ENTPD6: variants seen among roughly 807,000 people sequenced by gnomAD.
ENTPD6 encodes the protein ectonucleoside triphosphate diphosphohydrolase 6, also known as CD39 antigen-like 2.
A neutral mutation model predicts 61.5 loss-of-function variants in ENTPD6; 46 were observed. The ratio of observed to expected loss-of-function variants is 0.75; its 90% CI spans 0.59 to 0.96. The LOEUF (loss-of-function observed/expected upper bound fraction) is 0.96. ENTPD6 is among the 40% of genes least tolerant of loss of function. ENTPD6 has a pLI of 0.00. For synonymous variants in ENTPD6, 252 were observed against 255.5 expected, an observed-to-expected ratio of 0.99 and a Z score of 0.13; for missense variants, 612 against 629.0, an observed-to-expected ratio of 0.97 and a Z score of 0.29.
In ENTPD6 at chr20:25,225,697, G is replaced by A. The variant is rs907416732; in HGVS notation, c.*100G>A. The A allele has an allele frequency of 3.6e-5, 35 of 982,320 alleles. 1 individual carries two copies. Among genetic ancestry groups the A allele is most frequent in the Admixed American group, 2.2e-4 (10 of 44,998 alleles). 60.9% of individuals were successfully genotyped at this position (982,320 alleles called of 1,614,324 possible). ...ATCCTGAGGAGCCACAGCACAGGCC[G>A]TGCTGGCACTTTCTGCACACTGGCT... On this transcript the variant is annotated 3_prime_UTR_variant, in exon 15 of 15. Transcript: ENST00000376652.
At chr20:25,195,984 G>C in intron 1 of ENTPD6, 117 bp downstream of exon 1, 1 of 914,246 alleles carries the variant, frequency 1.1e-6, no homozygotes, top group East Asian at 3.3e-5. Flanking sequence ...CTCGCACCCC[G>C]GGTCCCACCT....
intron 5 of ENTPD6, chr20:25,214,586 TAGAG>T: frequency 5.1e-6 from 2 of 396,012 alleles, no homozygotes; most frequent in Non-Finnish European, 9.4e-6. Flanking sequence ...TGCAATGGAT[TAGAG>T]AGGCCTGAAC....
At chr20:25,205,903 T>C (rs556720108) in intron 1 of ENTPD6, among the ~76,000 whole-genome samples, 4 of 152,260 alleles carry the variant, frequency 2.6e-5, no homozygotes, top group African/African-American at 9.6e-5. Context: ...TCCGTTCTGC[T>C]GTGCCCAAAC....
chr20:25,209,554 T>TA (rs11481940), intron 3 of ENTPD6, among the ~76,000 whole-genome samples: 17,364 of 149,054 alleles, frequency 0.12, 1,207 homozygotes, highest in East Asian at 0.3. Flanking sequence ...CCCTTCTCTT[T>TA]AAAAAAAAAT....
In ENTPD6 at chr20:25,195,809, G is replaced by T. The variant is rs895818384; in HGVS notation, c.-74G>T. On this transcript the variant is annotated 5_prime_UTR_variant, in exon 1 of 15. Transcript: ENST00000376652. ...GGGGGAGCCCAAAAGACCGGCTGCCGCCTGCTCCCCGGAAAAGGGCACTCG... is the reference window on the plus strand; with the variant it reads ...GGGGGAGCCCAAAAGACCGGCTGCCTCCTGCTCCCCGGAAAAGGGCACTCG... 1.5e-5 allele frequency: 18 copies of T among 1,237,586 alleles called. No homozygotes were observed. The highest frequency in any genetic ancestry group is 1.2e-4 in the African/African-American group (8 of 64,464). The allele number at this position is 1,237,586 out of a possible 1,614,324, so 76.7% of individuals were successfully genotyped here.
Position 25,207,294 on chromosome 20 carries a change from G to A in ENTPD6, c.273G>A (p.Leu91=). The change falls in exon 3 of 15, where the codon CTG becomes CTA. Residue 91 remains leucine (L), a synonymous_variant. Coordinates refer to ENST00000376652, the MANE Select transcript of ENTPD6 (RefSeq NM_001247.5). ...ARWGQQAHSP[L]GTAADGHEVF... ...GGGGTCAGCAGGCCCACAGCCCCCT[G>A]GGGACAGCTGCAGACGGGCACGAGG... 2.5e-6 allele frequency: 4 copies of A among 1,609,210 alleles called. No homozygotes were observed. The highest frequency in any genetic ancestry group is 3.4e-6 in the Non-Finnish European group (4 of 1,176,392).
chr20:25,203,536 C>T (rs1002606917), intron 1 of ENTPD6, among the ~76,000 whole-genome samples: 1 of 152,190 alleles, frequency 6.6e-6, no homozygotes, highest in African/African-American at 2.4e-5. Context: ...GACTCAAATC[C>T]CTCTGGTCAG....
chr20:25,209,991 T>A (rs2091845205), intron 4 of ENTPD6, 66 bp downstream of exon 4: 1 of 1,380,744 alleles, frequency 7.2e-7, no homozygotes. Flanking sequence ...TCTTTTCCTT[T>A]GAATGTGGTA....
chr20:25,200,845 C>A (rs2090972972), intron 1 of ENTPD6, among the ~76,000 whole-genome samples: 2 of 151,256 alleles, frequency 1.3e-5, no homozygotes, highest in Non-Finnish European at 2.9e-5. Flanking sequence ...TTTTCCTCCT[C>A]CTTTTTCTAG....
chr20:25,215,648 A>C (rs1397656171), intron 6 of ENTPD6, 28 bp from the exon 7 acceptor site: 2 of 1,613,748 alleles, frequency 1.2e-6, no homozygotes, highest in African/African-American at 1.3e-5. Flanking sequence ...CAAGTGATTA[A>C]AATAATGCCT....
In ENTPD6 at chr20:25,222,885, C is replaced by A; in HGVS notation, c.1093C>A (p.Gln365Lys). The change falls in exon 12 of 15, where the codon CAA (glutamine) becomes AAA (lysine). Residue 365 changes from glutamine to lysine, a missense_variant. Physicochemically the swap from Gln to Lys is moderately conservative, Grantham distance 53. Coordinates refer to ENST00000376652, the MANE Select transcript of ENTPD6 (RefSeq NM_001247.5). ...LCAARVSEVLQNRVHRTEEVK... is the reference protein window; with the variant it reads ...LCAARVSEVLKNRVHRTEEVK... Reference sequence around the variant, plus strand: ...TGCTGCCAGAGTGTCAGAGGTCCTTCAAAACAGAGTGCACAGGACGGAGGA... The same window carrying A: ...TGCTGCCAGAGTGTCAGAGGTCCTTAAAAACAGAGTGCACAGGACGGAGGA... 1 of 1,614,148 alleles carries A rather than the reference C, an allele frequency of 6.2e-7. No homozygotes were observed. The highest frequency in any genetic ancestry group is 8.5e-7 in the Non-Finnish European group (1 of 1,180,030).
chr20:25,195,763 C>T lies in ENTPD6; in HGVS notation c.-120C>T, dbSNP rs73339013. 3,567 of 995,096 alleles carry T rather than the reference C, an allele frequency of 3.6e-3. 88 individuals are homozygous for T. The African/African-American group carries it at 0.055, about 15-fold the overall frequency. 61.6% of individuals were successfully genotyped at this position (995,096 alleles called of 1,614,324 possible). A position where few individuals can be genotyped will look rare whatever the true frequency, so the allele number is the denominator to read the frequency against. On this transcript the variant is annotated 5_prime_UTR_variant, in exon 1 of 15. Transcript: ENST00000376652. ...GGGGTCGTATCCCGCGGGTGGAGGC[C>T]GGGGTGGCGCCGGCCGGGGCGGGGG... is the stretch of plus-strand genomic sequence containing the variant.
At chr20:25,212,868 G>A (rs1431578256) in intron 4 of ENTPD6, among the ~76,000 whole-genome samples, 1 of 152,134 alleles carries the variant, frequency 6.6e-6, no homozygotes, top group Non-Finnish European at 1.5e-5. Flanking sequence ...ACCACGCCCG[G>A]CTAATTTTTT....
chr20:25,207,019 C>T (rs372673002), intron 2 of ENTPD6, 57 bp from the exon 3 acceptor site: 3 of 1,496,886 alleles, frequency 2.0e-6, no homozygotes, highest in African/African-American at 1.4e-5. Flanking sequence ...ACGTCTGACT[C>T]TCCTTGGATC....
chr20:25,206,713 C>A, intron 2 of ENTPD6, 123 bp downstream of exon 2: 2 of 788,362 alleles, frequency 2.5e-6, no homozygotes, highest in East Asian at 2.6e-5. Context: ...CTTCTGTTCC[C>A]ATGAACAGTT....
intron 1 of ENTPD6, among the ~76,000 whole-genome samples, chr20:25,197,889 G>A (rs2090634155): frequency 6.6e-6 from 1 of 152,134 alleles, no homozygotes; most frequent in Non-Finnish European, 1.5e-5. Flanking sequence ...TCGTGATAAA[G>A]CACGTTCAAT....
Position 25,195,713 on chromosome 20 carries a change from C to T in ENTPD6, c.-170C>T. 1.8e-6 allele frequency: 1 copy of T among 566,130 alleles called. No homozygotes were observed. Among genetic ancestry groups the T allele is most frequent in the Non-Finnish European group, 2.7e-6 (1 of 374,710 alleles). The allele number at this position is 566,130 out of a possible 1,614,324, so 35.1% of individuals were successfully genotyped here. On this transcript the variant is annotated 5_prime_UTR_variant, in exon 1 of 15. Coordinates refer to ENST00000376652, the MANE Select transcript of ENTPD6 (RefSeq NM_001247.5). ...AGCCTGTGACGCCACGTGCATGGGG[C>T]GGAGCCCAGGCCCTAGGGAATCGTG...
intron 9 of ENTPD6, 111 bp downstream of exon 9, chr20:25,217,692 C>A: frequency 1.1e-6 from 1 of 923,000 alleles, no homozygotes; most frequent in Non-Finnish European, 1.7e-6. Flanking sequence ...AATCCCTGTG[C>A]TGGGAATCCA....
intron 1 of ENTPD6, among the ~76,000 whole-genome samples, chr20:25,205,872 T>C (rs1177100232): frequency 6.6e-6 from 1 of 152,146 alleles, no homozygotes; most frequent in African/African-American, 2.4e-5. Context: ...TCCCCGTGCT[T>C]TGCCCCGCGG....
Sources: gnomAD v4.1 joint callset for allele counts (sites outside exome capture counted in the v4.1 genomes callset) on GRCh38, gnomAD v4.1.1 for gene constraint, MANE v1.5 for transcripts, NCBI Gene and HGNC (gene_info 2026-07-23, HGNC 2026-07-21) for gene names.